The following LARGE1 variants were observed in gnomAD, a reference collection of about 807,000 sequenced individuals.
LARGE1 encodes LARGE xylosyl- and glucuronyltransferase 1.
Under a neutral mutation model 87.6 loss-of-function variants are expected in LARGE1, and 43 were observed. That is an observed-to-expected ratio of 0.49 (90% confidence interval 0.38 to 0.63). The LOEUF (loss-of-function observed/expected upper bound fraction) is 0.63. Among genes scored for constraint, LARGE1 ranks in the 30% least tolerant of loss-of-function variants. The pLI is 0.00. For missense variants in LARGE1, 802 were observed against 1,000.2 expected, an observed-to-expected ratio of 0.80 and a Z score of 2.67; for synonymous variants, 434 against 394.6, an observed-to-expected ratio of 1.10 and a Z score of -1.18.
At chr22:33,830,162 C>T (rs1391682278) in intron 1 of LARGE1, among the ~76,000 whole-genome samples, 1 of 152,148 alleles carries the variant, frequency 6.6e-6, no homozygotes, top group Admixed American at 6.5e-5. Flanking sequence ...CACCGTGACA[C>T]CCAAGGCCTG....
chr22:33,720,324 G>T (rs1297412451), intron 2 of LARGE1, among the ~76,000 whole-genome samples: 1 of 152,058 alleles, frequency 6.6e-6, no homozygotes, highest in Admixed American at 6.5e-5. Flanking sequence ...GAGCTCACGG[G>T]GTAACGGGAG....
chr22:33,076,863 TTTC>T, the LARGE1 span, among the ~76,000 whole-genome samples: 1 of 152,206 alleles, frequency 6.6e-6, no homozygotes, highest in Non-Finnish European at 1.5e-5. Context: ...CTCAATGGAT[TTTC>T]TTTTTAGTGA....
chr22:33,368,386 T>G (rs550490506), intron 9 of LARGE1, among the ~76,000 whole-genome samples: 1 of 152,008 alleles, frequency 6.6e-6, no homozygotes, highest in African/African-American at 2.4e-5. Flanking sequence ...ATGCAAAAAT[T>G]AGCCAGGCGT....
the LARGE1 span, among the ~76,000 whole-genome samples, chr22:33,120,035 T>C: frequency 1.4e-5 from 2 of 145,824 alleles, no homozygotes; most frequent in East Asian, 3.9e-4. Context: ...CCTTTTTTCT[T>C]CATATGGCCA....
At chr22:33,368,711 G>A (rs572240892) in intron 9 of LARGE1, among the ~76,000 whole-genome samples, 2 of 152,022 alleles carry the variant, frequency 1.3e-5, no homozygotes, top group South Asian at 2.1e-4. Flanking sequence ...TGTGGGTTTG[G>A]TTTCAGACTA....
chr22:33,107,482 G>C, the LARGE1 span, among the ~76,000 whole-genome samples: 1 of 152,274 alleles, frequency 6.6e-6, no homozygotes, highest in East Asian at 1.9e-4. Flanking sequence ...TGGAGCCCAG[G>C]AGGTCGAGGC....
chr22:33,075,375 G>GT, the LARGE1 span, among the ~76,000 whole-genome samples: 3 of 152,290 alleles, frequency 2.0e-5, no homozygotes, highest in East Asian at 1.9e-4. Flanking sequence ...TACTTAATTT[G>GT]TTTTATCAAA....
At chr22:33,126,741 G>C in the LARGE1 span, among the ~76,000 whole-genome samples, 1 of 152,236 alleles carries the variant, frequency 6.6e-6, no homozygotes, top group African/African-American at 2.4e-5. Flanking sequence ...TGAACACAGT[G>C]ACATACAAAA....
chr22:33,321,857 C>T (rs1807662), intron 10 of LARGE1, among the ~76,000 whole-genome samples: 43,667 of 151,998 alleles, frequency 0.29, 6,988 homozygotes, highest in Non-Finnish European at 0.37. Context: ...CTCACTCAGT[C>T]GCCCAGGTTG....
intron 2 of LARGE1, among the ~76,000 whole-genome samples, chr22:33,749,625 T>C (rs2084236112): frequency 6.6e-6 from 1 of 152,250 alleles, no homozygotes; most frequent in Admixed American, 6.5e-5. Flanking sequence ...TAAGCCAGCC[T>C]AGATGACTCC....
chr22:33,809,995 T>C (rs1355402283), intron 1 of LARGE1, among the ~76,000 whole-genome samples: 1 of 152,092 alleles, frequency 6.6e-6, no homozygotes, highest in Non-Finnish European at 1.5e-5. Context: ...CACTTGTAGT[T>C]ATAGGCGGGT....
Position 33,476,377 on chromosome 22 carries a change from CT to C in LARGE1, c.788-44113del, listed in dbSNP as rs543641185. ...ATCAAAGACTCAAAAGAATGCAACC[CT>C]TTGTCTCTTATCTACCTATGACCTG... is the stretch of plus-strand genomic sequence containing the variant. On this transcript the variant is annotated intron_variant, in intron 6 of 14. Coordinates refer to ENST00000397394, the MANE Select transcript of LARGE1 (RefSeq NM_133642.5). Among the ~76,000 whole-genome samples the C allele has an allele frequency of 1.4e-3, 209 of 152,310 alleles. 2 individuals carry two copies. The highest frequency in any genetic ancestry group is 4.5e-3 in the African/African-American group (189 of 41,572).
intron 5 of LARGE1, among the ~76,000 whole-genome samples, chr22:33,578,388 T>G (rs934443064): frequency 5.3e-5 from 8 of 152,176 alleles, no homozygotes; most frequent in Non-Finnish European, 1.2e-4. Flanking sequence ...CGAAAGTGAG[T>G]CATTTATCTA....
chr22:33,142,061 T>TA, the LARGE1 span, among the ~76,000 whole-genome samples: 1 of 152,200 alleles, frequency 6.6e-6, no homozygotes, highest in East Asian at 1.9e-4. Context: ...GACTTTTTTT[T>TA]ATACCCTAAG....
intron 1 of LARGE1, among the ~76,000 whole-genome samples, chr22:33,873,562 C>A (rs1329819360): frequency 6.6e-6 from 1 of 152,146 alleles, no homozygotes; most frequent in Admixed American, 6.5e-5. Context: ...TGGGGTCCAG[C>A]CTCTTCACCC....
intron 12 of LARGE1, among the ~76,000 whole-genome samples, chr22:33,297,934 C>T (rs1569026058): frequency 7.0e-6 from 1 of 142,502 alleles, no homozygotes; most frequent in Non-Finnish European, 1.5e-5. Flanking sequence ...GAGCTGAGAT[C>T]ACGCCATTGC....
At chr22:33,649,945 C>T (rs1021967689) in intron 3 of LARGE1, among the ~76,000 whole-genome samples, 2 of 152,140 alleles carry the variant, frequency 1.3e-5, no homozygotes, top group African/African-American at 4.8e-5. Flanking sequence ...GCTGTTTATA[C>T]AGTGAAGTGA....
the LARGE1 span, among the ~76,000 whole-genome samples, chr22:33,136,934 T>TA: frequency 1.8e-4 from 26 of 147,804 alleles, no homozygotes; most frequent in Admixed American, 5.4e-4. Context: ...AATATTAAGG[T>TA]AAAAAAAAAA....
chr22:33,803,115 A>T (rs1233649619), intron 1 of LARGE1, among the ~76,000 whole-genome samples: 1 of 152,172 alleles, frequency 6.6e-6, no homozygotes, highest in Non-Finnish European at 1.5e-5. Flanking sequence ...CCTTAAAGTC[A>T]CTTCTCTAAC....
Sources: allele counts gnomAD v4.1 joint callset (sites outside exome capture counted in the v4.1 genomes callset), GRCh38; gene constraint gnomAD v4.1.1; transcripts MANE v1.5; gene names NCBI Gene and HGNC (gene_info 2026-07-23, HGNC 2026-07-21).